Variants in LRRC49 observed in about 807,000 individuals in gnomAD.
LRRC49 encodes the protein leucine-rich repeat-containing protein 49.
LRRC49 carries 50 observed loss-of-function variants against 83.3 expected under a neutral mutation model. The ratio of observed to expected loss-of-function variants is 0.60; its 90% CI spans 0.48 to 0.76. The LOEUF is 0.76. LRRC49 is among the 30% of genes least tolerant of loss of function. The pLI, the probability that LRRC49 is intolerant of heterozygous loss-of-function variation, is 0.00. For missense variants in LRRC49, 704 were observed against 809.1 expected (o/e 0.87, Z 1.58); for synonymous variants, 286 against 283.3 (o/e 1.01, Z -0.10).
At chr15:70,865,773 T>C (rs761957734) in intron 1 of LRRC49, among the ~76,000 whole-genome samples, 2 of 152,196 alleles carry the variant, frequency 1.3e-5, no homozygotes, top group Non-Finnish European at 2.9e-5. Context: ...TCCCTGGCCA[T>C]GGGACTTTCA....
chr15:71,037,048 A>G (rs2141298202), intron 14 of LRRC49, 131 bp from the exon 15 acceptor site: 1 of 577,934 alleles, frequency 1.7e-6, no homozygotes, highest in South Asian at 2.9e-5. Flanking sequence ...ACTCAAATAA[A>G]TCATAAACTC....
At chr15:71,025,361 C>T (rs751238646) in intron 14 of LRRC49, among the ~76,000 whole-genome samples, 1 of 152,060 alleles carries the variant, frequency 6.6e-6, no homozygotes, top group Non-Finnish European at 1.5e-5. Context: ...AGCAGAAAGC[C>T]TACAAGCCAG....
chr15:70,928,843 G>A (rs1596030705), intron 7 of LRRC49, among the ~76,000 whole-genome samples: 1 of 152,176 alleles, frequency 6.6e-6, no homozygotes, highest in East Asian at 1.9e-4. Flanking sequence ...GGGATTACAG[G>A]CATGAGCCCC....
chr15:70,935,931 G>C (rs763019160), intron 7 of LRRC49, among the ~76,000 whole-genome samples: 4 of 151,904 alleles, frequency 2.6e-5, no homozygotes, highest in South Asian at 2.1e-4. Flanking sequence ...TTGTAGACTT[G>C]GTAATTACCA....
intron 1 of LRRC49, among the ~76,000 whole-genome samples, chr15:70,855,098 C>T (rs1358701860): frequency 6.6e-6 from 1 of 152,086 alleles, no homozygotes; most frequent in East Asian, 1.9e-4. Flanking sequence ...CTTTGGGAGG[C>T]CCAGGCGGGC....
intron 9 of LRRC49, among the ~76,000 whole-genome samples, chr15:70,970,119 T>TA (rs2036940949): frequency 6.6e-6 from 1 of 152,226 alleles, no homozygotes; most frequent in Non-Finnish European, 1.5e-5. Context: ...GGGTTTGTCA[T>TA]AAATAGCTCT....
At chr15:70,939,304 C>T (rs2035717000) in intron 8 of LRRC49, among the ~76,000 whole-genome samples, 2 of 152,112 alleles carry the variant, frequency 1.3e-5, no homozygotes, top group Admixed American at 1.3e-4. Context: ...ACAGGTATCA[C>T]TAGTTGTATT....
At chr15:70,903,441 T>C (rs1213774352) in intron 4 of LRRC49, among the ~76,000 whole-genome samples, 1 of 152,132 alleles carries the variant, frequency 6.6e-6, no homozygotes, top group Non-Finnish European at 1.5e-5. Context: ...TCTTTTCCTC[T>C]ATCTTAAACA....
intron 14 of LRRC49, among the ~76,000 whole-genome samples, chr15:71,016,138 T>C (rs1463453041): frequency 6.6e-6 from 1 of 152,188 alleles, no homozygotes; most frequent in Non-Finnish European, 1.5e-5. Flanking sequence ...ACACTAGGAT[T>C]CCAAAGTACA....
At position 71,051,739 on chromosome 15, in the gene LRRC49, G is replaced by T. The variant is rs528243338; in HGVS notation, c.*2127G>T. 1 of 152,496 alleles carries T rather than the reference G, an allele frequency of 6.6e-6. No individual in the cohort carries two copies. The highest frequency in any genetic ancestry group is 2.1e-4 in the South Asian group (1 of 4,830). 9.4% of individuals were successfully genotyped at this position (152,496 alleles called of 1,614,324 possible). A position where few individuals can be genotyped will look rare whatever the true frequency, so the allele number is the denominator to read the frequency against. ...GACACTCACATGCTTTCTTGGCCCA[G>T]TCACCCTGGGAATCTTAGGAACACT... On this transcript the variant is annotated 3_prime_UTR_variant, in exon 16 of 16. Transcript: ENST00000260382.
chr15:70,950,330 G>A (rs1307427283), intron 8 of LRRC49, among the ~76,000 whole-genome samples: 1 of 152,014 alleles, frequency 6.6e-6, no homozygotes, highest in African/African-American at 2.4e-5. Flanking sequence ...GGTATTGCTG[G>A]GTCAAATGGT....
At chr15:70,982,378 G>T (rs1045408765) in intron 10 of LRRC49, among the ~76,000 whole-genome samples, 5 of 152,090 alleles carry the variant, frequency 3.3e-5, no homozygotes, top group Admixed American at 6.6e-5. Context: ...AATTGGGTTG[G>T]CATAGTCATC....
chr15:70,886,537 A>G lies in LRRC49; in HGVS notation c.19-7047A>G, dbSNP rs114442578. ...ATGAAAAAAAAATTCTAGAGAGATC[A>G]ACAAGGCAAAGTTTGTTCTTTGGAA... On this transcript the variant is annotated intron_variant, in intron 2 of 16. Coordinates refer to the LRRC49 transcript ENST00000544974. 4.7e-3 allele frequency among the ~76,000 whole-genome samples: 723 copies of G among 152,338 alleles called. 9 individuals are homozygous for G. Among genetic ancestry groups the G allele is most frequent in the African/African-American group, 0.017 (704 of 41,582 alleles).
At position 70,908,324 on chromosome 15, in the gene LRRC49, GAGGAGGAGAT is replaced by G. The variant is rs2034403833; in HGVS notation, c.501-3206_501-3197del. On this transcript the variant is annotated intron_variant, in intron 5 of 15. Coordinates refer to ENST00000260382, the MANE Select transcript of LRRC49 (RefSeq NM_017691.5). ...ACAAGGCAGTCAAGTGAGGAGGATG[GAGGAGGAGAT>G]ATTTCTCAAATCTGCCTCCCTAAGA... Among the ~76,000 whole-genome samples the G allele has an allele frequency of 2.6e-5, 4 of 152,216 alleles. No individual in the cohort carries two copies. The South Asian group carries it at 8.3e-4, about 32-fold the overall frequency.
chr15:70,877,226 C>T (rs2033169837), intron 2 of LRRC49, among the ~76,000 whole-genome samples: 1 of 152,124 alleles, frequency 6.6e-6, no homozygotes, highest in Admixed American at 6.5e-5. Flanking sequence ...CTTTAACATG[C>T]TTTATAAAGG....
chr15:70,971,980 A>G (rs935156584), intron 9 of LRRC49, among the ~76,000 whole-genome samples: 2 of 152,094 alleles, frequency 1.3e-5, no homozygotes, highest in African/African-American at 4.8e-5. Flanking sequence ...TAGCCCATTT[A>G]CATTTAAGGT....
intron 2 of LRRC49, among the ~76,000 whole-genome samples, chr15:70,877,823 C>T (rs1053106823): frequency 6.6e-6 from 1 of 152,226 alleles, no homozygotes; most frequent in African/African-American, 2.4e-5. Flanking sequence ...TGCTCTCCAA[C>T]AGTTTGTTAT....
chr15:70,993,101 T>A (rs1567088802), intron 11 of LRRC49, among the ~76,000 whole-genome samples: 1 of 152,202 alleles, frequency 6.6e-6, no homozygotes, highest in South Asian at 2.1e-4. Context: ...TCCGCAAGCC[T>A]CGCTGCCACC....
At chr15:70,971,928 C>G (rs2037020038) in intron 9 of LRRC49, among the ~76,000 whole-genome samples, 1 of 150,196 alleles carries the variant, frequency 6.7e-6, no homozygotes, top group African/African-American at 2.4e-5. Flanking sequence ...GGTCTTGACT[C>G]TTTATCCAAT....
Sources: gnomAD v4.1 joint callset for allele counts (sites outside exome capture counted in the v4.1 genomes callset) on GRCh38, gnomAD v4.1.1 for gene constraint, MANE v1.5 for transcripts, NCBI Gene and HGNC (gene_info 2026-07-23, HGNC 2026-07-21) for gene names.